The following GSK3B variants were observed in gnomAD, a reference collection of about 807,000 sequenced individuals.
GSK3B encodes glycogen synthase kinase 3 beta.
In GSK3B, 15 loss-of-function variants were observed where a neutral mutation model predicts 56.4. The observed-to-expected ratio is 0.27, with a 90% CI of 0.18 to 0.41. The LOEUF (loss-of-function observed/expected upper bound fraction) is 0.41, where lower values mean the gene tolerates loss of function less well. GSK3B is among the 10% of genes least tolerant of loss of function. The probability of loss-of-function intolerance (pLI) is 1.00; values close to 1 mark genes in which losing one functional copy is unlikely to be tolerated. For missense variants in GSK3B, 300 were observed against 513.4 expected (o/e 0.58, Z 4.02); for synonymous variants, 181 against 188.9 (o/e 0.96, Z 0.34).
At chr3:119,965,059 A>G (rs148714679) in intron 2 of GSK3B, among the ~76,000 whole-genome samples, 2 of 103,176 alleles carry the variant, frequency 1.9e-5, no homozygotes, top group Non-Finnish European at 4.1e-5. Flanking sequence ...TTTTTTTTTA[A>G]TTTTTTTTTG....
chr3:119,916,658 C>A (rs946535449), intron 4 of GSK3B, among the ~76,000 whole-genome samples: 4 of 152,120 alleles, frequency 2.6e-5, no homozygotes, highest in African/African-American at 9.7e-5. Context: ...TTAGAATATT[C>A]TTCTGAGATG....
At chr3:120,006,029 C>A (rs912550546) in intron 1 of GSK3B, among the ~76,000 whole-genome samples, 11 of 151,994 alleles carry the variant, frequency 7.2e-5, no homozygotes, top group Admixed American at 2.0e-4. Flanking sequence ...ATTCAGGAGA[C>A]CCATCTCACG....
chr3:119,828,234 C>A (rs920772421), intron 10 of GSK3B, among the ~76,000 whole-genome samples: 1 of 152,212 alleles, frequency 6.6e-6, no homozygotes, highest in African/African-American at 2.4e-5. Flanking sequence ...TATCTCCTCC[C>A]CCCTTTTAAG....
intron 7 of GSK3B, among the ~76,000 whole-genome samples, chr3:119,889,954 T>C (rs1340911581): frequency 1.3e-5 from 2 of 152,142 alleles, no homozygotes; most frequent in Non-Finnish European, 2.9e-5. Context: ...GGGCATTTCC[T>C]AATGATAAAA....
intron 1 of GSK3B, among the ~76,000 whole-genome samples, chr3:120,003,968 G>C (rs952461686): frequency 2.6e-5 from 4 of 152,244 alleles, no homozygotes; most frequent in Non-Finnish European, 4.4e-5. Context: ...AAGTGCAAAG[G>C]GTTGGGGGAT....
At chr3:120,004,888 C>T (rs1036137237) in intron 1 of GSK3B, among the ~76,000 whole-genome samples, 1 of 152,246 alleles carries the variant, frequency 6.6e-6, no homozygotes, top group African/African-American at 2.4e-5. Context: ...AACACAACTA[C>T]TCGCCAGCAA....
intron 10 of GSK3B, among the ~76,000 whole-genome samples, chr3:119,827,762 G>A (rs1050889621): frequency 1.3e-5 from 2 of 151,960 alleles, no homozygotes; most frequent in East Asian, 1.9e-4. Flanking sequence ...CTTATTTGTA[G>A]GAGCTAAAAT....
chr3:119,866,694 C>T (rs72548707), intron 8 of GSK3B: 22 of 1,024,258 alleles, frequency 2.1e-5, no homozygotes, highest in Non-Finnish European at 3.2e-5. Context: ...AATAGTCCAG[C>T]AAGGAAAAAT....
At chr3:120,091,384 T>C (rs752913538) in intron 1 of GSK3B, among the ~76,000 whole-genome samples, 1 of 152,160 alleles carries the variant, frequency 6.6e-6, no homozygotes, top group Non-Finnish European at 1.5e-5. Context: ...TTGACCTATA[T>C]GGTAATCGGA....
At chr3:119,869,606 G>GT (rs372729291) in intron 8 of GSK3B, among the ~76,000 whole-genome samples, 68 of 152,270 alleles carry the variant, frequency 4.5e-4, no homozygotes, top group African/African-American at 1.5e-3. Context: ...GCCTTATCGA[G>GT]TTTTCCCAAG....
At chr3:119,889,320 C>T (rs1423910408) in intron 7 of GSK3B, among the ~76,000 whole-genome samples, 3 of 152,072 alleles carry the variant, frequency 2.0e-5, no homozygotes, top group Non-Finnish European at 4.4e-5. Context: ...TAGAAAAAAC[C>T]TATGTTGAAA....
intron 4 of GSK3B, among the ~76,000 whole-genome samples, chr3:119,918,688 C>T (rs2056806339): frequency 6.6e-6 from 1 of 152,144 alleles, no homozygotes; most frequent in African/African-American, 2.4e-5. Context: ...CACATTATCC[C>T]TGTTTTTACA....
chr3:119,865,150 C>T (rs1245602407), intron 8 of GSK3B, among the ~76,000 whole-genome samples: 2 of 151,948 alleles, frequency 1.3e-5, no homozygotes, highest in African/African-American at 2.4e-5. Context: ...AGAAAATTTT[C>T]GTAAAAATAT....
intron 10 of GSK3B, among the ~76,000 whole-genome samples, chr3:119,833,449 A>C (rs1388425218): frequency 1.3e-5 from 2 of 152,188 alleles, no homozygotes. Flanking sequence ...TTCTATTTAT[A>C]TTCTCTAATA....
intron 1 of GSK3B, among the ~76,000 whole-genome samples, chr3:120,017,152 A>T (rs1357872642): frequency 6.6e-6 from 1 of 152,216 alleles, no homozygotes; most frequent in Non-Finnish European, 1.5e-5. Context: ...AGGTTACCAG[A>T]TTATCAAAGA....
chr3:119,958,789 ATG>A (rs2057241483), intron 2 of GSK3B, among the ~76,000 whole-genome samples: 1 of 82,170 alleles, frequency 1.2e-5, no homozygotes, highest in African/African-American at 7.8e-5. Flanking sequence ...CACTTTTTTC[ATG>A]AAAAGAGTGT....
intron 1 of GSK3B, among the ~76,000 whole-genome samples, chr3:120,012,979 T>C (rs867236196): frequency 3.9e-4 from 60 of 152,206 alleles, no homozygotes; most frequent in Middle Eastern, 3.2e-3. Context: ...TGAACCACTG[T>C]ATCCAGTCTA....
At chr3:119,960,262 G>C (rs1329171847) in intron 2 of GSK3B, among the ~76,000 whole-genome samples, 2 of 151,170 alleles carry the variant, frequency 1.3e-5, no homozygotes, top group East Asian at 3.9e-4. Flanking sequence ...AAACAGATTA[G>C]TGGTTACTGC....
chr3:119,895,844 CT>C (rs2056557146), intron 7 of GSK3B, among the ~76,000 whole-genome samples: 1 of 152,040 alleles, frequency 6.6e-6, no homozygotes, highest in South Asian at 2.1e-4. Flanking sequence ...AGAAGTGTGG[CT>C]GGGCGTGGTG....
Sources: gnomAD v4.1 joint callset for allele counts (sites outside exome capture counted in the v4.1 genomes callset) on GRCh38, gnomAD v4.1.1 for gene constraint, MANE v1.5 for transcripts, NCBI Gene and HGNC (gene_info 2026-07-23, HGNC 2026-07-21) for gene names.